The following C4orf33 variants were observed in gnomAD, a reference collection of about 807,000 sequenced individuals.
C4orf33 encodes chromosome 4 open reading frame 33.
A neutral mutation model predicts 24.3 loss-of-function variants in C4orf33; 20 were observed. The observed-to-expected ratio is 0.82, with a 90% confidence interval of 0.58 to 1.19. The LOEUF (loss-of-function observed/expected upper bound fraction) is 1.19. Among genes scored for constraint, C4orf33 ranks in the 50% most tolerant of loss-of-function variants. The pLI, the probability that C4orf33 is intolerant of heterozygous loss-of-function variation, is 0.00. For synonymous variants in C4orf33, 67 were observed against 76.4 expected (o/e 0.88, Z 0.64); for missense variants, 207 against 225.9 (o/e 0.92, Z 0.54).
intron 1 of C4orf33, among the ~76,000 whole-genome samples, chr4:129,096,997 C>A (rs369707701): frequency 1.2e-4 from 19 of 152,278 alleles, no homozygotes; most frequent in African/African-American, 4.6e-4. Flanking sequence ...GCAACCTCCG[C>A]CTCCGGGTTC....
At chr4:129,111,175 A>T (rs1414023085) in intron 5 of C4orf33, among the ~76,000 whole-genome samples, 1 of 152,224 alleles carries the variant, frequency 6.6e-6, no homozygotes, top group Non-Finnish European at 1.5e-5. Context: ...GCCACAAGAG[A>T]AAGCTTCTTA....
chr4:129,111,402 A>G (rs141748328), intron 5 of C4orf33, among the ~76,000 whole-genome samples: 2 of 152,224 alleles, frequency 1.3e-5, no homozygotes, highest in African/African-American at 4.8e-5. Context: ...TTAAAGCTGG[A>G]TGGAATGAGT....
chr4:129,113,688 A>G lies in C4orf33; in HGVS notation c.*1897A>G, dbSNP rs181768579. 5.9e-5 allele frequency: 9 copies of G among 152,304 alleles called. No homozygotes were observed. Among genetic ancestry groups the G allele is most frequent in the Admixed American group, 2.0e-4 (3 of 15,294 alleles). The allele number at this position is 152,304 out of a possible 1,614,324, so 9.4% of individuals were successfully genotyped here. On this transcript the variant is annotated 3_prime_UTR_variant, in exon 6 of 6. Transcript: ENST00000425929. The stretch of plus-strand genomic sequence containing the variant: ...CTTTTTCCCAGCTCCAGGAAAGTGT[A>G]AGTCACAGTCTGAAGGGAAATGTGC...
intron 1 of C4orf33, among the ~76,000 whole-genome samples, chr4:129,096,781 A>G (rs937400028): frequency 6.6e-6 from 1 of 152,210 alleles, no homozygotes; most frequent in Non-Finnish European, 1.5e-5. Flanking sequence ...TTAAAATTGC[A>G]TTGCAGGACA....
intron 1 of C4orf33, among the ~76,000 whole-genome samples, chr4:129,099,937 A>C (rs77333891): frequency 1.2e-4 from 18 of 152,172 alleles, no homozygotes; most frequent in African/African-American, 3.9e-4. Context: ...AAAAAAAAAA[A>C]CAAATTTGTC....
intron 1 of C4orf33, among the ~76,000 whole-genome samples, chr4:129,096,615 T>C (rs184354921): frequency 1.1e-4 from 16 of 152,298 alleles, no homozygotes; most frequent in African/African-American, 3.8e-4. Context: ...CTTCGTTTCC[T>C]TTTAGAGGTC....
chr4:129,111,585 T>C (rs894657707), intron 5 of C4orf33, 101 bp from the exon 6 acceptor site: 1 of 637,956 alleles, frequency 1.6e-6, no homozygotes, highest in Non-Finnish European at 2.8e-6. Flanking sequence ...TAAAATAGAA[T>C]GTTGTATTAC....
At position 129,116,032 on chromosome 4, in the gene C4orf33, T is replaced by G. The variant is rs990810564; in HGVS notation, c.*4241T>G. The G allele has an allele frequency of 6.6e-6, 1 of 151,636 alleles. No individual in the cohort carries two copies. Among genetic ancestry groups the G allele is most frequent in the Non-Finnish European group, 1.5e-5 (1 of 67,902 alleles). The allele number at this position is 151,636 out of a possible 1,614,324, so 9.4% of individuals were successfully genotyped here. A position where few individuals can be genotyped will look rare whatever the true frequency, so the allele number is the denominator to read the frequency against. ...TCTATTTTTTACCAACTATCATTTT[T>G]CATGGAAGGAATAGTAAAAAGAGTT... is the stretch of plus-strand genomic sequence containing the variant. On this transcript the variant is annotated 3_prime_UTR_variant, in exon 6 of 6. Coordinates refer to ENST00000425929, the MANE Select transcript of C4orf33 (RefSeq NM_001099783.2).
chr4:129,094,438 G>A (rs1753115139), upstream of C4orf33, among the ~76,000 whole-genome samples: 4 of 152,288 alleles, frequency 2.6e-5, no homozygotes, highest in South Asian at 8.3e-4. Context: ...TCACTAAACA[G>A]GCATGTCATA....
chr4:129,104,626 T>C (rs1475637238), intron 2 of C4orf33, among the ~76,000 whole-genome samples: 2 of 152,228 alleles, frequency 1.3e-5, no homozygotes, highest in Non-Finnish European at 1.5e-5. Flanking sequence ...ACCCTTGATT[T>C]TACTGTTTTC....
chr4:129,094,401 T>C (rs529854073), upstream of C4orf33, among the ~76,000 whole-genome samples: 1 of 152,300 alleles, frequency 6.6e-6, no homozygotes, highest in African/African-American at 2.4e-5. Flanking sequence ...TTTAATAAAT[T>C]GTATTTTTAT....
At chr4:129,109,403 A>G (rs749722760) in intron 4 of C4orf33, 45 bp downstream of exon 4, 10 of 1,595,504 alleles carry the variant, frequency 6.3e-6, no homozygotes, top group South Asian at 1.1e-5. Context: ...GTACACAGTA[A>G]TACACATATT....
At chr4:129,109,266 C>T (rs1753612860) in intron 3 of C4orf33, 41 bp from the exon 4 acceptor site, 2 of 1,558,298 alleles carry the variant, frequency 1.3e-6, no homozygotes, top group African/African-American at 2.7e-5. Context: ...AAATAACATT[C>T]ATGTTTTTCA....
At chr4:129,103,202 G>T (rs537884769) in intron 2 of C4orf33, among the ~76,000 whole-genome samples, 1 of 151,830 alleles carries the variant, frequency 6.6e-6, no homozygotes, top group East Asian at 1.9e-4. Flanking sequence ...TATATTTTTA[G>T]TAGAGACAGG....
chr4:129,109,092 T>C (rs1022359510), intron 3 of C4orf33, among the ~76,000 whole-genome samples: 1 of 152,194 alleles, frequency 6.6e-6, no homozygotes, highest in Admixed American at 6.5e-5. Flanking sequence ...AGTTTCACCA[T>C]GTTGGCCAGG....
chr4:129,094,799 G>C (rs1404562390), upstream of C4orf33, among the ~76,000 whole-genome samples: 2 of 152,194 alleles, frequency 1.3e-5, no homozygotes, highest in Admixed American at 1.3e-4. Flanking sequence ...AGGGAAAATT[G>C]AGTGTGCAAG....
chr4:129,096,075 A>T (rs936031987), upstream of C4orf33: 2 of 152,208 alleles, frequency 1.3e-5, no homozygotes, highest in African/African-American at 4.8e-5. Flanking sequence ...TTTCCTAGAA[A>T]AATCAAGCGT....
upstream of C4orf33, among the ~76,000 whole-genome samples, chr4:129,095,958 G>C (rs1038675445): frequency 3.3e-5 from 5 of 152,196 alleles, no homozygotes; most frequent in Non-Finnish European, 5.9e-5. Flanking sequence ...TTATTGCACA[G>C]TATTTATATT....
At chr4:129,098,792 G>C (rs775340783) in intron 1 of C4orf33, among the ~76,000 whole-genome samples, 15 of 152,222 alleles carry the variant, frequency 9.9e-5, no homozygotes, top group Non-Finnish European at 1.6e-4. Flanking sequence ...AGTAGGAAGG[G>C]TTCCCAGAAC....
Sources: allele counts gnomAD v4.1 joint callset (sites outside exome capture counted in the v4.1 genomes callset), GRCh38; gene constraint gnomAD v4.1.1; transcripts MANE v1.5; gene names NCBI Gene and HGNC (gene_info 2026-07-23, HGNC 2026-07-21).